C2CD5: variants seen among roughly 807,000 people sequenced by gnomAD.
C2CD5 encodes the protein C2 calcium dependent domain containing 5.
Under a neutral mutation model 130.3 loss-of-function variants are expected in C2CD5, and 109 were observed. The observed-to-expected ratio is 0.84, with a 90% CI of 0.72 to 0.98. C2CD5 has a LOEUF of 0.98. Ranked by LOEUF, C2CD5 falls within the 50% of genes least tolerant of loss-of-function variation. The pLI is 0.00. For synonymous variants in C2CD5, 454 were observed against 429.2 expected (o/e 1.06, Z -0.71); for missense variants, 996 against 1,261.8 (o/e 0.79, Z 3.19).
At position 22,458,582 on chromosome 12, in the gene C2CD5, G is replaced by A. The variant is rs1038093297; in HGVS notation, c.2588C>T (p.Thr863Met). The A allele has an allele frequency of 5.7e-5, 72 of 1,262,492 alleles. No individual in the cohort carries two copies. Among genetic ancestry groups the A allele is most frequent in the Non-Finnish European group, 5.2e-5 (52 of 999,752 alleles). The allele number at this position is 1,262,492 out of a possible 1,614,324, so 78.2% of individuals were successfully genotyped here. A position where few individuals can be genotyped will look rare whatever the true frequency, so the allele number is the denominator to read the frequency against. The change falls in exon 24 of 27, where the codon ACG (threonine) becomes ATG (methionine). Residue 863 changes from threonine (T) to methionine (M), a missense_variant. Thr to Met is a moderately conservative substitution (Grantham distance 81). This residue lies in a region of C2CD5 where 590 missense variants were observed against 631.4 expected (regional missense o/e 0.93). Transcript: ENST00000446597. ...NSGIPAAQRA[T>M]SVDYSSFADR... ...TGCAAAGGAACTGTAATCAACTGAC[G>A]TTGCTGAAAACACAGACAGAAAACA...
chr12:22,538,564 G>A (rs1952042251), intron 2 of C2CD5, among the ~76,000 whole-genome samples: 1 of 152,182 alleles, frequency 6.6e-6, no homozygotes, highest in Admixed American at 6.5e-5. Flanking sequence ...CTTAACGGAG[G>A]TTGTTAAGAC....
intron 15 of C2CD5, 148 bp from the exon 16 acceptor site, chr12:22,475,039 C>G: frequency 2.1e-6 from 1 of 475,394 alleles, no homozygotes; most frequent in Non-Finnish European, 3.6e-6. Context: ...ACCTTTAAAA[C>G]TAAACTTTTA....
chr12:22,469,963 A>G (rs1188012998), intron 21 of C2CD5, among the ~76,000 whole-genome samples, 168 bp from the exon 22 acceptor site: 2 of 152,130 alleles, frequency 1.3e-5, no homozygotes, highest in African/African-American at 2.4e-5. Context: ...ATTCATCTGC[A>G]TGATGCTGAG....
intron 22 of C2CD5, among the ~76,000 whole-genome samples, chr12:22,466,800 G>A (rs1942157469): frequency 6.6e-6 from 1 of 152,156 alleles, no homozygotes; most frequent in Admixed American, 6.5e-5. Flanking sequence ...TCAAGGAAAA[G>A]CACATAGGTT....
chr12:22,519,197 A>G (rs773815261), intron 7 of C2CD5: 2 of 1,535,928 alleles, frequency 1.3e-6, no homozygotes, highest in South Asian at 2.4e-5. Flanking sequence ...GGCTGTTGTG[A>G]GTCGAGCGGC....
chr12:22,510,102 G>A (rs1011444078), intron 9 of C2CD5, among the ~76,000 whole-genome samples: 37 of 152,266 alleles, frequency 2.4e-4, no homozygotes, highest in African/African-American at 8.4e-4. Context: ...CTACTCAGGA[G>A]GCTGAGGCAG....
chr12:22,515,006 A>G, intron 8 of C2CD5: 2 of 985,384 alleles, frequency 2.0e-6, no homozygotes, highest in Non-Finnish European at 2.4e-6. Context: ...ACTTTTCCTC[A>G]GAACTGGGCT....
intron 22 of C2CD5, among the ~76,000 whole-genome samples, chr12:22,461,269 G>A (rs1447988197): frequency 5.3e-5 from 8 of 152,184 alleles, no homozygotes; most frequent in Non-Finnish European, 1.0e-4. Context: ...TATAGATTTG[G>A]TTGGTGTAGA....
In C2CD5 at chr12:22,484,736, T is replaced by C. The variant is rs1456305149; in HGVS notation, c.1511A>G (p.Asp504Gly). 6.3e-7 allele frequency: 1 copy of C among 1,594,954 alleles called. No individual in the cohort carries two copies. Among genetic ancestry groups the C allele is most frequent in the Non-Finnish European group, 8.5e-7 (1 of 1,173,006 alleles). The change falls in exon 13 of 27, where the codon GAT (aspartate) becomes GGT (glycine). Residue 504 changes from aspartate to glycine, a missense_variant. Physicochemically the swap from Asp to Gly is moderately conservative, Grantham distance 94. Around this residue, in one of 9 missense-constraint regions of C2CD5, gnomAD observed 590 missense variants for 631.4 expected, o/e 0.93. Transcript: ENST00000446597. ...ACAACCTTTTCCAATAACTGTTGCATCTGTTGGGAGGTCTATAGTTGTAAA... is the reference window on the plus strand; with the variant it reads ...ACAACCTTTTCCAATAACTGTTGCACCTGTTGGGAGGTCTATAGTTGTAAA... ...VLFTTIDLPTDATVIGKGCLI... is the reference protein window; with the variant it reads ...VLFTTIDLPTGATVIGKGCLI...
At position 22,475,646 on chromosome 12, in the gene C2CD5, T is replaced by C. The variant is rs750928708; in HGVS notation, c.1903-755A>G. On this transcript the variant is annotated intron_variant, in intron 15 of 26. Coordinates refer to ENST00000446597, the MANE Select transcript of C2CD5 (RefSeq NM_001286176.2). Reference sequence around the variant, plus strand: ...GTCTTTTTAATAAACAAGGAAATTGTACATAAAATTTTTCAAAAATATATA... The same window carrying C: ...GTCTTTTTAATAAACAAGGAAATTGCACATAAAATTTTTCAAAAATATATA... Among the ~76,000 whole-genome samples, 206 of 152,284 alleles carry C rather than the reference T, an allele frequency of 1.4e-3. 3 individuals are homozygous for C. The highest frequency in any genetic ancestry group is 1.6e-3 in the Non-Finnish European group (107 of 68,000).
intron 16 of C2CD5, 42 bp from the exon 17 acceptor site, chr12:22,472,849 A>AT (rs1943254179): frequency 9.6e-7 from 1 of 1,038,270 alleles, no homozygotes; most frequent in Non-Finnish European, 1.5e-6. Flanking sequence ...TAGTAAATGC[A>AT]TAATTATTTC....
At chr12:22,512,358 G>A (rs1949281388) in intron 9 of C2CD5, among the ~76,000 whole-genome samples, 1 of 152,016 alleles carries the variant, frequency 6.6e-6, no homozygotes, top group Admixed American at 6.6e-5. Context: ...TATAGAACAT[G>A]TAAAAGAAAA....
intron 3 of C2CD5, among the ~76,000 whole-genome samples, chr12:22,533,523 TAGAG>T (rs879751306): frequency 6.6e-5 from 10 of 151,808 alleles, no homozygotes; most frequent in Non-Finnish European, 1.3e-4. Context: ...TAAACAGATG[TAGAG>T]AGAAAGAGGG....
In C2CD5 at chr12:22,459,501, C is replaced by A. The variant is rs1367815606; in HGVS notation, c.2575G>T (p.Ala859Ser). 2.0e-6 allele frequency: 3 copies of A among 1,531,154 alleles called. No homozygotes were observed. Among genetic ancestry groups the A allele is most frequent in the East Asian group, 2.4e-5 (1 of 40,830 alleles). The allele number at this position is 1,531,154 out of a possible 1,614,324, so 94.8% of individuals were successfully genotyped here. The change falls in exon 23 of 27, where the codon GCA becomes TCA. Residue 859 changes from alanine to serine, a missense_variant. By Grantham distance (99) the Ala-to-Ser change is moderately conservative. Around this residue, in one of 9 missense-constraint regions of C2CD5, gnomAD observed 590 missense variants for 631.4 expected, o/e 0.93. Coordinates refer to ENST00000446597, the MANE Select transcript of C2CD5 (RefSeq NM_001286176.2). ...SASSNSGIPAAQRATSVDYSS... is the reference protein window; with the variant it reads ...SASSNSGIPASQRATSVDYSS... The stretch of plus-strand genomic sequence containing the variant: ...AATTAGACAAACTCACCTCTCTGTG[C>A]AGCTGGTATACCTGAGTTAGAACTT...
chr12:22,472,580 G>A, intron 17 of C2CD5, 164 bp downstream of exon 17: 1 of 652,306 alleles, frequency 1.5e-6, no homozygotes, highest in Non-Finnish European at 2.7e-6. Context: ...TCTAACATAA[G>A]TATTTTTAAG....
At chr12:22,519,296 CAG>C (rs1950052809) in intron 7 of C2CD5, 1 of 1,424,296 alleles carries the variant, frequency 7.0e-7, no homozygotes, top group Non-Finnish European at 9.4e-7. Context: ...CAACAGATTG[CAG>C]AGTTATGTTA....
intron 4 of C2CD5, among the ~76,000 whole-genome samples, chr12:22,527,249 C>G (rs1232427556): frequency 2.7e-5 from 4 of 149,912 alleles, no homozygotes; most frequent in Admixed American, 6.7e-5. Context: ...AGAGAAGCAA[C>G]AATTTTACTA....
chr12:22,469,131 T>C (rs781253541), intron 22 of C2CD5, among the ~76,000 whole-genome samples: 1 of 152,102 alleles, frequency 6.6e-6, no homozygotes, highest in Non-Finnish European at 1.5e-5. Context: ...CAGATCAAAA[T>C]AGATTTATTG....
At chr12:22,463,107 C>T (rs1259064684) in intron 22 of C2CD5, among the ~76,000 whole-genome samples, 1 of 151,338 alleles carries the variant, frequency 6.6e-6, no homozygotes, top group Admixed American at 6.6e-5. Context: ...AAAAAAAAGG[C>T]CAGGTGCGGT....
Sources: gnomAD v4.1 joint callset for allele counts (sites outside exome capture counted in the v4.1 genomes callset) on GRCh38, gnomAD v4.1.1 for gene constraint, gnomAD v4.1.1 regional missense constraint, MANE v1.5 for transcripts, NCBI Gene and HGNC (gene_info 2026-07-23, HGNC 2026-07-21) for gene names.